Variants in PAX5 observed in about 807,000 individuals in gnomAD.
The protein encoded by PAX5 is paired box protein Pax-5.
PAX5 carries 9 observed loss-of-function variants against 43.7 expected under a neutral mutation model. That is an observed-to-expected ratio of 0.21 (90% confidence interval 0.12 to 0.36). The LOEUF (loss-of-function observed/expected upper bound fraction) is 0.36, where lower values mean the gene tolerates loss of function less well. Among genes scored for constraint, PAX5 ranks in the 10% least tolerant of loss-of-function variants. The pLI is 1.00. For missense variants in PAX5, 383 were observed against 532.7 expected (o/e 0.72, Z 2.77); for synonymous variants, 228 against 214.3 (o/e 1.06, Z -0.56).
chr9:37,001,318 T>C (rs1226288940), intron 5 of PAX5, among the ~76,000 whole-genome samples: 1 of 152,014 alleles, frequency 6.6e-6, no homozygotes, highest in African/African-American at 2.4e-5. Flanking sequence ...ACACAATCTG[T>C]CCCTCCACCG....
intron 8 of PAX5, among the ~76,000 whole-genome samples, chr9:36,879,556 G>A (rs960599540): frequency 6.6e-6 from 1 of 152,246 alleles, no homozygotes; most frequent in South Asian, 2.1e-4. Context: ...CTCCCTGGGT[G>A]TGGGGAGTGC....
intron 2 of PAX5, among the ~76,000 whole-genome samples, chr9:37,019,110 AG>A (rs1839641621): frequency 6.6e-6 from 1 of 152,202 alleles, no homozygotes; most frequent in African/African-American, 2.4e-5. Flanking sequence ...ATGCTGAGAT[AG>A]TCTAAAGTAT....
At chr9:37,007,500 G>T (rs62533711) in intron 3 of PAX5, 1,916 of 152,322 alleles carry the variant, frequency 0.013, 24 homozygotes, top group Non-Finnish European at 0.018. Context: ...CCACGCATGC[G>T]CAAGACAGCA....
chr9:36,980,932 A>AC (rs989264408), intron 5 of PAX5, among the ~76,000 whole-genome samples: 7 of 150,804 alleles, frequency 4.6e-5, no homozygotes, highest in South Asian at 2.1e-4. Flanking sequence ...TTAACTGGGT[A>AC]CCCCCCCAGC....
chr9:36,965,878 A>G (rs1385920000), intron 6 of PAX5, among the ~76,000 whole-genome samples: 2 of 152,216 alleles, frequency 1.3e-5, no homozygotes, highest in Non-Finnish European at 2.9e-5. Flanking sequence ...TCAGGCCTCA[A>G]GAGCCTCTCA....
At chr9:36,869,169 G>A (rs1005009484) in intron 8 of PAX5, among the ~76,000 whole-genome samples, 4 of 152,154 alleles carry the variant, frequency 2.6e-5, no homozygotes, top group Non-Finnish European at 1.5e-5. Flanking sequence ...CAGCTGTCAG[G>A]GTCTTGGAGA....
At chr9:36,843,078 G>A (rs1822218765) in intron 9 of PAX5, among the ~76,000 whole-genome samples, 2 of 151,688 alleles carry the variant, frequency 1.3e-5, no homozygotes. Flanking sequence ...GCGTGTGTGT[G>A]CCTGTGTGTG....
At chr9:36,859,137 G>A (rs80349902) in intron 8 of PAX5, among the ~76,000 whole-genome samples, 3 of 152,100 alleles carry the variant, frequency 2.0e-5, no homozygotes, top group South Asian at 4.2e-4. Context: ...CGAGGAGCGC[G>A]CTCAATTCTG....
chr9:36,879,866 G>A (rs1414021705), intron 8 of PAX5, among the ~76,000 whole-genome samples: 2 of 152,178 alleles, frequency 1.3e-5, no homozygotes, highest in Non-Finnish European at 2.9e-5. Flanking sequence ...GTGGGGCGGG[G>A]CAAGGGGAAG....
At chr9:36,897,973 T>C (rs2131843948) in intron 7 of PAX5, among the ~76,000 whole-genome samples, 1 of 152,306 alleles carries the variant, frequency 6.6e-6, no homozygotes, top group East Asian at 1.9e-4. Context: ...CTTCACAGAA[T>C]TTGACTCTAA....
At chr9:36,992,118 G>A (rs1461633553) in intron 5 of PAX5, among the ~76,000 whole-genome samples, 5 of 132,670 alleles carry the variant, frequency 3.8e-5, no homozygotes, top group African/African-American at 5.7e-5. Flanking sequence ...CACACACCTC[G>A]CCCCCACCCC....
At chr9:36,887,477 A>G (rs1346085326) in intron 7 of PAX5, among the ~76,000 whole-genome samples, 1 of 152,234 alleles carries the variant, frequency 6.6e-6, no homozygotes, top group African/African-American at 2.4e-5. Context: ...TCTTCCCACC[A>G]TATATAAGAA....
rs2131969144 is a variant in PAX5, at chr9:36,923,424, G to A, written c.841C>T (p.Leu281=). The change falls in exon 7 of 10, where the codon CTG becomes TTG. Residue 281 remains leucine (L), a synonymous_variant. Coordinates refer to ENST00000358127, the MANE Select transcript of PAX5 (RefSeq NM_016734.3). ...ATGTCAGCAGGGGTGGGGCTGGCCA[G>A]ATTGGCCTTCATGTCGTCCAGCCCA... is the stretch of plus-strand genomic sequence containing the variant. The part of the protein sequence containing the change: ...AGGLDDMKAN[L]ASPTPADIGS... The A allele has an allele frequency of 1.2e-6, 2 of 1,613,062 alleles. No homozygotes were observed. The highest frequency in any genetic ancestry group is 1.7e-6 in the Non-Finnish European group (2 of 1,179,988).
rs1056564326 is a variant in PAX5, at chr9:36,836,416, T to C, written c.*4144A>G. On this transcript the variant is annotated 3_prime_UTR_variant, in exon 10 of 10. Transcript: ENST00000358127. ...CAAATCTGCAACAAAGGACAGGAGG[T>C]GAATGAGAAAGGGGGCAATTGACAG... is the stretch of plus-strand genomic sequence containing the variant. 1 of 232,778 alleles carries C rather than the reference T, an allele frequency of 4.3e-6. No individual in the cohort carries two copies. Among genetic ancestry groups the C allele is most frequent in the Non-Finnish European group, 8.5e-6 (1 of 117,986 alleles). 14.4% of individuals were successfully genotyped at this position (232,778 alleles called of 1,614,324 possible).
At chr9:36,910,642 TAG>T (rs1001118011) in intron 7 of PAX5, among the ~76,000 whole-genome samples, 2 of 152,208 alleles carry the variant, frequency 1.3e-5, no homozygotes, top group Admixed American at 1.3e-4. Flanking sequence ...CTGGACTTTG[TAG>T]ATACCTCAGC....
chr9:36,917,335 A>C (rs1324939629), intron 7 of PAX5, among the ~76,000 whole-genome samples: 1 of 152,172 alleles, frequency 6.6e-6, no homozygotes, highest in Non-Finnish European at 1.5e-5. Context: ...TGTAAGATAA[A>C]TAAGGAAGCA....
At chr9:36,964,397 C>G (rs1387340992) in intron 6 of PAX5, among the ~76,000 whole-genome samples, 2 of 151,904 alleles carry the variant, frequency 1.3e-5, no homozygotes, top group African/African-American at 4.8e-5. Context: ...AAGACTAAGC[C>G]TGGCCAACAT....
At chr9:36,996,542 C>T (rs1837410827) in intron 5 of PAX5, among the ~76,000 whole-genome samples, 1 of 152,244 alleles carries the variant, frequency 6.6e-6, no homozygotes, top group Admixed American at 6.5e-5. Flanking sequence ...TTTCCACATA[C>T]CCATCCCTTC....
At chr9:36,881,349 G>A (rs561589233) in intron 8 of PAX5, among the ~76,000 whole-genome samples, 13 of 152,206 alleles carry the variant, frequency 8.5e-5, no homozygotes, top group South Asian at 2.1e-4. Flanking sequence ...AAGAATACTC[G>A]GGTATTCCTG....
Sources: gnomAD v4.1 joint callset for allele counts (sites outside exome capture counted in the v4.1 genomes callset) on GRCh38, gnomAD v4.1.1 for gene constraint, MANE v1.5 for transcripts, NCBI Gene and HGNC (gene_info 2026-07-23, HGNC 2026-07-21) for gene names.